The following SLC16A10 variants were observed in gnomAD, a reference collection of about 807,000 sequenced individuals.
The protein encoded by SLC16A10 is monocarboxylate transporter 10.
Under a neutral mutation model 40.0 loss-of-function variants are expected in SLC16A10, and 27 were observed. The ratio of observed to expected loss-of-function variants is 0.67; its 90% CI spans 0.50 to 0.93. The LOEUF (loss-of-function observed/expected upper bound fraction) is 0.93, where lower values mean the gene tolerates loss of function less well. SLC16A10 is among the 40% of genes least tolerant of loss of function. The pLI, the probability that SLC16A10 is intolerant of heterozygous loss-of-function variation, is 0.00. For missense variants in SLC16A10, 529 were observed against 658.2 expected (o/e 0.80, Z 2.15); for synonymous variants, 213 against 249.8 (o/e 0.85, Z 1.39).
At chr6:111,137,310 C>T (rs984658032) in intron 1 of SLC16A10, among the ~76,000 whole-genome samples, 11 of 152,136 alleles carry the variant, frequency 7.2e-5, no homozygotes, top group African/African-American at 2.7e-4. Context: ...TACTTAAAAC[C>T]CTTCACTTAG....
Position 111,228,136 on chromosome 6 carries a change from A to C in SLC16A10, c.*5901A>C, listed in dbSNP as rs933586896. The C allele has an allele frequency of 6.6e-6, 1 of 152,224 alleles. No individual in the cohort carries two copies. The highest frequency in any genetic ancestry group is 1.5e-5 in the Non-Finnish European group (1 of 68,036). The allele number at this position is 152,224 out of a possible 1,614,324, so 9.4% of individuals were successfully genotyped here. A position where few individuals can be genotyped will look rare whatever the true frequency, so the allele number is the denominator to read the frequency against. ...ATTAGACACACTCAGATTCTAATGA[A>C]CACTTAGAATGCTTCGCCAGTGGCT... On this transcript the variant is annotated 3_prime_UTR_variant, in exon 6 of 6. Transcript: ENST00000368851.
At chr6:111,217,112 T>C (rs997052292) in intron 4 of SLC16A10, among the ~76,000 whole-genome samples, 13 of 152,240 alleles carry the variant, frequency 8.5e-5, no homozygotes, top group Admixed American at 2.6e-4. Context: ...TGACTGCTAT[T>C]GGAGGGCACC....
At chr6:111,180,647 T>C (rs997500790) in intron 3 of SLC16A10, among the ~76,000 whole-genome samples, 2 of 151,804 alleles carry the variant, frequency 1.3e-5, no homozygotes, top group South Asian at 4.2e-4. Context: ...ATATGGAAGG[T>C]GAAGAAATAA....
chr6:111,108,851 G>A (rs1344919566), intron 1 of SLC16A10, among the ~76,000 whole-genome samples: 2 of 152,108 alleles, frequency 1.3e-5, no homozygotes, highest in Non-Finnish European at 2.9e-5. Context: ...GTAAATTGTT[G>A]CCTTGATAAG....
intron 3 of SLC16A10, among the ~76,000 whole-genome samples, chr6:111,179,644 T>G (rs1412148481): frequency 1.3e-5 from 2 of 152,248 alleles, no homozygotes; most frequent in Non-Finnish European, 2.9e-5. Context: ...TAGATACTTT[T>G]GTGATCAGGA....
chr6:111,208,943 CATA>C (rs1442686235), intron 4 of SLC16A10, among the ~76,000 whole-genome samples: 2 of 151,850 alleles, frequency 1.3e-5, no homozygotes, highest in Admixed American at 6.6e-5. Flanking sequence ...AGCTCATGCC[CATA>C]ATATCAACAC....
chr6:111,119,738 G>A (rs1273631156), intron 1 of SLC16A10, among the ~76,000 whole-genome samples: 4 of 152,222 alleles, frequency 2.6e-5, no homozygotes, highest in African/African-American at 9.7e-5. Flanking sequence ...TCACAAGGGT[G>A]GGGTCCTGGT....
At position 111,228,583 on chromosome 6, in the gene SLC16A10, T is replaced by G. The variant is rs1032913073; in HGVS notation, c.*6348T>G. 1 of 152,240 alleles carries G rather than the reference T, an allele frequency of 6.6e-6. No homozygotes were observed. Among genetic ancestry groups the G allele is most frequent in the African/African-American group, 2.4e-5 (1 of 41,458 alleles). 9.4% of individuals were successfully genotyped at this position (152,240 alleles called of 1,614,324 possible). A position where few individuals can be genotyped will look rare whatever the true frequency, so the allele number is the denominator to read the frequency against. On this transcript the variant is annotated 3_prime_UTR_variant, in exon 6 of 6. Transcript: ENST00000368851. ...ATGACTTTTATTCTTTACTAGATAT[T>G]TTTCAGTATCCGTCATTAGAAGAGT...
Position 111,180,047 on chromosome 6 carries a change from TTTATTG to T in SLC16A10, c.942+2383_942+2388del, listed in dbSNP as rs575573800. On this transcript the variant is annotated intron_variant, in intron 3 of 5. Coordinates refer to ENST00000368851, the MANE Select transcript of SLC16A10 (RefSeq NM_018593.5). ...ATGATGTTCAATTCCTACTAAACCC[TTTATTG>T]ACTGTTGAGGGGACACATATATGAG... 2.5e-3 allele frequency among the ~76,000 whole-genome samples: 380 copies of T among 152,358 alleles called. 1 individual carries two copies. Among genetic ancestry groups the T allele is most frequent in the African/African-American group, 8.6e-3 (359 of 41,586 alleles).
intron 3 of SLC16A10, among the ~76,000 whole-genome samples, chr6:111,179,816 C>T (rs187453551): frequency 6.6e-5 from 10 of 152,176 alleles, no homozygotes; most frequent in Non-Finnish European, 8.8e-5. Context: ...TGCCCGTTAT[C>T]GCACCGAATG....
chr6:111,122,845 G>T (rs1771608559), intron 1 of SLC16A10, among the ~76,000 whole-genome samples: 1 of 152,186 alleles, frequency 6.6e-6, no homozygotes, highest in Admixed American at 6.5e-5. Flanking sequence ...AGGCTTTTCT[G>T]CATGGTTGGA....
At chr6:111,129,416 A>C (rs1159943697) in intron 1 of SLC16A10, among the ~76,000 whole-genome samples, 1 of 152,246 alleles carries the variant, frequency 6.6e-6, no homozygotes, top group Non-Finnish European at 1.5e-5. Flanking sequence ...ACTTCAGTGA[A>C]TAGGCAATGC....
chr6:111,147,015 A>G (rs1772091219), intron 1 of SLC16A10, among the ~76,000 whole-genome samples: 1 of 152,222 alleles, frequency 6.6e-6, no homozygotes, highest in African/African-American at 2.4e-5. Context: ...CCATAAAGAC[A>G]GAAAGTAGAT....
intron 5 of SLC16A10, among the ~76,000 whole-genome samples, chr6:111,220,542 G>A (rs1770870176): frequency 6.6e-6 from 1 of 152,214 alleles, no homozygotes; most frequent in African/African-American, 2.4e-5. Flanking sequence ...ACCCTGAACT[G>A]TATTCCTAGT....
intron 1 of SLC16A10, among the ~76,000 whole-genome samples, chr6:111,163,356 T>C (rs1381132809): frequency 6.6e-6 from 1 of 151,094 alleles, no homozygotes; most frequent in Non-Finnish European, 1.5e-5. Flanking sequence ...GTTTCACCGT[T>C]TTAGCCGGGA....
At chr6:111,209,504 G>A (rs1469237231) in intron 4 of SLC16A10, among the ~76,000 whole-genome samples, 1 of 152,106 alleles carries the variant, frequency 6.6e-6, no homozygotes, top group South Asian at 2.1e-4. Flanking sequence ...ACCTGCCCTT[G>A]CCCCAGTGAT....
At chr6:111,196,157 C>T (rs922191547) in intron 3 of SLC16A10, among the ~76,000 whole-genome samples, 1 of 151,928 alleles carries the variant, frequency 6.6e-6, no homozygotes, top group Non-Finnish European at 1.5e-5. Context: ...GCCAACATGG[C>T]GAAACCCTGT....
At chr6:111,116,311 G>A (rs2114467694) in intron 1 of SLC16A10, among the ~76,000 whole-genome samples, 1 of 152,034 alleles carries the variant, frequency 6.6e-6, no homozygotes, top group South Asian at 2.1e-4. Context: ...TCCGCCACCT[G>A]GGTTCAAGCA....
At chr6:111,145,215 G>A (rs1234776864) in intron 1 of SLC16A10, among the ~76,000 whole-genome samples, 1 of 149,082 alleles carries the variant, frequency 6.7e-6, no homozygotes, top group Non-Finnish European at 1.5e-5. Flanking sequence ...ACCAGCCTGG[G>A]TAACATGGCA....
Sources: allele counts gnomAD v4.1 joint callset (sites outside exome capture counted in the v4.1 genomes callset), GRCh38; gene constraint gnomAD v4.1.1; transcripts MANE v1.5; gene names NCBI Gene and HGNC (gene_info 2026-07-23, HGNC 2026-07-21).